The following UGCG variants were observed in gnomAD, a reference collection of about 807,000 sequenced individuals.
UGCG encodes the protein UDP-glucose ceramide glucosyltransferase, also known as ceramide glucosyltransferase.
UGCG carries 10 observed loss-of-function variants against 49.5 expected under a neutral mutation model. The observed-to-expected ratio is 0.20, with a 90% confidence interval of 0.12 to 0.34. UGCG has a LOEUF of 0.34. Ranked by LOEUF, UGCG falls within the 10% of genes least tolerant of loss-of-function variation. The pLI, the probability that UGCG is intolerant of heterozygous loss-of-function variation, is 1.00. For synonymous variants in UGCG, 182 were observed against 158.2 expected (o/e 1.15, Z -1.13); for missense variants, 312 against 483.7 (o/e 0.65, Z 3.33).
At position 111,932,879 on chromosome 9, in the gene UGCG, G is replaced by A; in HGVS notation, c.1067G>A (p.Arg356His). ...GATTATGCAGTCGCCTGGTTCATCC[G>A]CGAATCCATGACAATATACATTTTT... ...KLDYAVAWFI[R>H]ESMTIYIFLS... The change falls in exon 9 of 9, where the codon CGC becomes CAC. Residue 356 changes from arginine (R) to histidine (H), a missense_variant. Physicochemically the swap from Arg to His is conservative, Grantham distance 29. This residue lies in a region of UGCG where 180 missense variants were observed against 320.4 expected (regional missense o/e 0.56). Transcript: ENST00000374279. The A allele has an allele frequency of 6.2e-7, 1 of 1,610,872 alleles. No homozygotes were observed. The highest frequency in any genetic ancestry group is 8.5e-7 in the Non-Finnish European group (1 of 1,178,334).
intron 1 of UGCG, among the ~76,000 whole-genome samples, chr9:111,899,608 T>C (rs926312482): frequency 1.2e-4 from 19 of 152,220 alleles, no homozygotes; most frequent in Admixed American, 9.8e-4. Context: ...TGTGTGCATG[T>C]GTGTTTTAGG....
At chr9:111,911,773 C>G (rs1589520969) in intron 1 of UGCG, among the ~76,000 whole-genome samples, 1 of 151,162 alleles carries the variant, frequency 6.6e-6, no homozygotes, top group African/African-American at 2.4e-5. Context: ...GTGGAGTGTA[C>G]CTGTTATCCT....
In UGCG at chr9:111,897,073, C is replaced by A. The variant is rs2131708881; in HGVS notation, c.-143C>A. On this transcript the variant is annotated 5_prime_UTR_variant, in exon 1 of 9. Transcript: ENST00000374279. Reference sequence around the variant, plus strand: ...CAGGCCCTGCCCGCCCCTTCCGTCCCCACCCCCCTCCGCCCTTTCCTCTCC... The same window carrying A: ...CAGGCCCTGCCCGCCCCTTCCGTCCACACCCCCCTCCGCCCTTTCCTCTCC... 5.7e-6 allele frequency: 3 copies of A among 522,420 alleles called. No homozygotes were observed. Among genetic ancestry groups the A allele is most frequent in the Admixed American group, 4.3e-5 (1 of 23,340 alleles). The allele number at this position is 522,420 out of a possible 1,614,324, so 32.4% of individuals were successfully genotyped here. A position where few individuals can be genotyped will look rare whatever the true frequency, so the allele number is the denominator to read the frequency against.
chr9:111,922,725 C>G (rs41279075), intron 2 of UGCG, 124 bp from the exon 3 acceptor site: 28,311 of 537,602 alleles, frequency 0.053, 1,755 homozygotes, highest in African/African-American at 0.21. Flanking sequence ...TGTGAATGCT[C>G]TCTTTTAAAA....
At chr9:111,905,786 A>G (rs1742055446) in intron 1 of UGCG, among the ~76,000 whole-genome samples, 2 of 152,126 alleles carry the variant, frequency 1.3e-5, no homozygotes, top group South Asian at 2.1e-4. Context: ...CAATAATAAT[A>G]TATTCCTTCT....
chr9:111,925,662 G>A (rs926637856), intron 4 of UGCG, among the ~76,000 whole-genome samples: 2 of 152,102 alleles, frequency 1.3e-5, no homozygotes, highest in Non-Finnish European at 2.9e-5. Context: ...TTCTTTATAC[G>A]GTAGATTTAG....
chr9:111,930,769 A>C (rs940034315), intron 6 of UGCG, among the ~76,000 whole-genome samples: 2 of 152,208 alleles, frequency 1.3e-5, no homozygotes, highest in African/African-American at 2.4e-5. Context: ...CATCCAGCCT[A>C]AAATACTTGT....
intron 4 of UGCG, 101 bp from the exon 5 acceptor site, chr9:111,926,280 TAAG>T: frequency 1.5e-6 from 1 of 656,454 alleles, no homozygotes; most frequent in Non-Finnish European, 2.5e-6. Context: ...TGTATTTTAT[TAAG>T]AATGTAATAA....
intron 1 of UGCG, among the ~76,000 whole-genome samples, chr9:111,898,359 G>T (rs1837705248): frequency 6.6e-6 from 1 of 151,950 alleles, no homozygotes; most frequent in African/African-American, 2.4e-5. Context: ...GTTAGTGGAA[G>T]AGACTTTAAG....
Position 111,933,048 on chromosome 9 carries a change from A to G in UGCG, c.*51A>G. On this transcript the variant is annotated 3_prime_UTR_variant, in exon 9 of 9. Transcript: ENST00000374279. ...GGAAAAAAGAGAAGTATTATAAATT[A>G]TGTTTATATAAATGCTTTTAAAAAT... is the stretch of plus-strand genomic sequence containing the variant. The G allele has an allele frequency of 7.4e-7, 1 of 1,350,378 alleles. No homozygotes were observed. Among genetic ancestry groups the G allele is most frequent in the Non-Finnish European group, 9.6e-7 (1 of 1,037,036 alleles). The allele number at this position is 1,350,378 out of a possible 1,614,324, so 83.6% of individuals were successfully genotyped here.
In UGCG at chr9:111,914,628, C is replaced by G. The variant is rs1352102470; in HGVS notation, c.122C>G (p.Ala41Gly). 4 of 1,613,778 alleles carry G rather than the reference C, an allele frequency of 2.5e-6. No individual in the cohort carries two copies. In the Admixed American group the frequency reaches 6.7e-5, roughly 27 times the overall value. The stretch of plus-strand genomic sequence containing the variant: ...AGCCGATTACACCTCAACAAGAAGG[C>G]AACTGACAAACAGCCTTATAGCAAG... ...IYTRLHLNKK[A>G]TDKQPYSKLP... The change falls in exon 2 of 9, where the codon GCA (alanine) becomes GGA (glycine). Residue 41 changes from alanine to glycine, a missense_variant. By Grantham distance (60) the Ala-to-Gly change is moderately conservative. Transcript: ENST00000374279.
At chr9:111,932,547 A>G (rs1256296080) in intron 8 of UGCG, among the ~76,000 whole-genome samples, 188 bp downstream of exon 8, 4 of 152,346 alleles carry the variant, frequency 2.6e-5, no homozygotes, top group East Asian at 3.9e-4. Flanking sequence ...GCAACTTTCT[A>G]TTGGTTATAT....
At chr9:111,898,363 C>CT (rs1288613972) in intron 1 of UGCG, among the ~76,000 whole-genome samples, 1 of 150,912 alleles carries the variant, frequency 6.6e-6, no homozygotes, top group East Asian at 1.9e-4. Context: ...GTGGAAGAGA[C>CT]TTTAAGAAAT....
intron 6 of UGCG, among the ~76,000 whole-genome samples, chr9:111,930,866 T>C (rs192218105): frequency 4.6e-5 from 7 of 152,382 alleles, no homozygotes; most frequent in Non-Finnish European, 1.0e-4. Flanking sequence ...TCTGTCATGA[T>C]TGTGTTCATG....
At chr9:111,918,596 G>T (rs1022780573) in intron 2 of UGCG, among the ~76,000 whole-genome samples, 1 of 151,878 alleles carries the variant, frequency 6.6e-6, no homozygotes, top group East Asian at 1.9e-4. Context: ...GAAAGTATTT[G>T]TTTTTAATTA....
In UGCG at chr9:111,897,260, G is replaced by C. The variant is rs1279740855; in HGVS notation, c.45G>C (p.Gly15=). The C allele has an allele frequency of 1.9e-6, 3 of 1,558,984 alleles. No homozygotes were observed. Among genetic ancestry groups the C allele is most frequent in the Admixed American group, 3.8e-5 (2 of 52,024 alleles). ...CCTTGGAGGGAATGGCCGTCTTCGGGTTCGTCCTCTTCTTGGTGCTGTGGC... is the reference window on the plus strand; with the variant it reads ...CCTTGGAGGGAATGGCCGTCTTCGGCTTCGTCCTCTTCTTGGTGCTGTGGC... The part of the protein sequence containing the change: ...DLALEGMAVF[G]FVLFLVLWLM... Residue 15 remains glycine, a synonymous_variant, in exon 1 of 9, where the codon GGG becomes GGC. Coordinates refer to ENST00000374279, the MANE Select transcript of UGCG (RefSeq NM_003358.3).
At chr9:111,932,652 T>G (rs1459239370) in intron 8 of UGCG, among the ~76,000 whole-genome samples, 175 bp from the exon 9 acceptor site, 2 of 152,248 alleles carry the variant, frequency 1.3e-5, no homozygotes, top group Non-Finnish European at 2.9e-5. Context: ...TTTTAATGCT[T>G]CATTAACAAT....
At position 111,914,598 on chromosome 9, in the gene UGCG, T is replaced by C. The variant is rs1009987336; in HGVS notation, c.99-7T>C. The C allele has an allele frequency of 1.6e-5, 26 of 1,612,436 alleles. No individual in the cohort carries two copies. The highest frequency in any genetic ancestry group is 2.2e-5 in the Non-Finnish European group (26 of 1,179,518). Reference sequence around the variant, plus strand: ...TAGAAATAATTTTTATATCATTTGCTTTTTAGCCGATTACACCTCAACAAG... The same window carrying C: ...TAGAAATAATTTTTATATCATTTGCCTTTTAGCCGATTACACCTCAACAAG... On this transcript the variant is annotated splice_polypyrimidine_tract_variant and splice_region_variant and intron_variant, in intron 1 of 8. Coordinates refer to ENST00000374279, the MANE Select transcript of UGCG (RefSeq NM_003358.3).
intron 8 of UGCG, 125 bp from the exon 9 acceptor site, chr9:111,932,702 C>A: frequency 1.1e-6 from 1 of 898,240 alleles, no homozygotes. Context: ...AGTTAAATTA[C>A]ATAAGGAAGC....
Sources: gnomAD v4.1 joint callset for allele counts (sites outside exome capture counted in the v4.1 genomes callset) on GRCh38, gnomAD v4.1.1 for gene constraint, gnomAD v4.1.1 regional missense constraint, MANE v1.5 for transcripts, NCBI Gene and HGNC (gene_info 2026-07-23, HGNC 2026-07-21) for gene names.